Variants in RBFOX1 observed in about 807,000 individuals in gnomAD.
RBFOX1 encodes RNA binding fox-1 homolog 1.
RBFOX1 carries 8 observed loss-of-function variants against 57.7 expected under a neutral mutation model. The ratio of observed to expected loss-of-function variants is 0.14; its 90% CI spans 0.08 to 0.25. The LOEUF is 0.25. Ranked by LOEUF, RBFOX1 falls within the 10% of genes least tolerant of loss-of-function variation. The probability of loss-of-function intolerance (pLI) is 1.00; values close to 1 mark genes in which losing one functional copy is unlikely to be tolerated. For missense variants in RBFOX1, 611 were observed against 548.5 expected, an observed-to-expected ratio of 1.11 and a Z score of -1.14; for synonymous variants, 326 against 222.4, an observed-to-expected ratio of 1.47 and a Z score of -4.15.
At chr16:5,852,031 C>G (rs1417142522) in intron 3 of RBFOX1, among the ~76,000 whole-genome samples, 1 of 152,132 alleles carries the variant, frequency 6.6e-6, no homozygotes, top group Non-Finnish European at 1.5e-5. Context: ...ATGAGAGGAT[C>G]TACATCATGG....
intron 3 of RBFOX1, among the ~76,000 whole-genome samples, chr16:6,749,814 T>C (rs1389533134): frequency 7.2e-5 from 11 of 152,198 alleles, no homozygotes; most frequent in Non-Finnish European, 1.5e-4. Flanking sequence ...CGATGTAAAA[T>C]GTTTTTATTT....
intron 2 of RBFOX1, among the ~76,000 whole-genome samples, chr16:6,590,787 G>A (rs188896194): frequency 6.6e-6 from 1 of 152,102 alleles, no homozygotes; most frequent in Non-Finnish European, 1.5e-5. Flanking sequence ...TGATAATTAG[G>A]GAGAATATTT....
At chr16:6,565,761 C>G (rs558642037) in intron 2 of RBFOX1, among the ~76,000 whole-genome samples, 1 of 152,216 alleles carries the variant, frequency 6.6e-6, no homozygotes, top group Non-Finnish European at 1.5e-5. Flanking sequence ...AGTCACTGCA[C>G]CCAGCTCACT....
At chr16:7,238,835 C>T (rs944149971) in intron 4 of RBFOX1, among the ~76,000 whole-genome samples, 1 of 152,138 alleles carries the variant, frequency 6.6e-6, no homozygotes, top group Non-Finnish European at 1.5e-5. Context: ...TTGTTCCCCT[C>T]TATGTGTCCA....
chr16:5,731,965 A>C (rs939574972), intron 3 of RBFOX1, among the ~76,000 whole-genome samples: 1 of 152,166 alleles, frequency 6.6e-6, no homozygotes, highest in Non-Finnish European at 1.5e-5. Context: ...CCAAAAGCTT[A>C]ATGAATCTAG....
intron 3 of RBFOX1, among the ~76,000 whole-genome samples, chr16:6,802,508 C>T (rs775246649): frequency 6.6e-6 from 1 of 152,064 alleles, no homozygotes; most frequent in African/African-American, 2.4e-5. Flanking sequence ...AAAACCCTGT[C>T]TCTACTTAAA....
chr16:5,748,305 A>T (rs1240103970), intron 3 of RBFOX1, among the ~76,000 whole-genome samples: 7 of 152,140 alleles, frequency 4.6e-5, no homozygotes, highest in African/African-American at 1.4e-4. Flanking sequence ...CTATGTGGTC[A>T]ATTTTGGAAT....
At chr16:6,041,528 T>C (rs1397199210) in intron 1 of RBFOX1, among the ~76,000 whole-genome samples, 3 of 152,146 alleles carry the variant, frequency 2.0e-5, no homozygotes, top group Non-Finnish European at 4.4e-5. Context: ...CTCATATTTA[T>C]CATCCACATT....
intron 4 of RBFOX1, among the ~76,000 whole-genome samples, chr16:7,144,465 C>CTGGAGTGCA (rs1236724302): frequency 9.9e-6 from 1 of 101,336 alleles, no homozygotes; most frequent in Non-Finnish European, 1.8e-5. Flanking sequence ...GTTGTTCTGG[C>CTGGAGTGCA]TGGAGTGCAG....
At chr16:5,752,929 G>A (rs1322454510) in intron 3 of RBFOX1, among the ~76,000 whole-genome samples, 4 of 152,094 alleles carry the variant, frequency 2.6e-5, no homozygotes, top group East Asian at 1.9e-4. Context: ...CAAGAGGATC[G>A]CTTGAGCCTA....
intron 3 of RBFOX1, among the ~76,000 whole-genome samples, chr16:6,992,244 G>A (rs1265601060): frequency 3.3e-5 from 5 of 151,534 alleles, no homozygotes; most frequent in African/African-American, 1.2e-4. Context: ...GCTTACTGCA[G>A]CCTCTGCCTC....
intron 14 of RBFOX1, among the ~76,000 whole-genome samples, chr16:7,688,423 TAAAG>T (rs751525792): frequency 6.6e-5 from 10 of 152,124 alleles, no homozygotes; most frequent in South Asian, 4.1e-4. Flanking sequence ...CCATAAGACT[TAAAG>T]ACAGTATTAT....
chr16:6,779,409 T>C (rs2079953941), intron 3 of RBFOX1, among the ~76,000 whole-genome samples: 1 of 151,892 alleles, frequency 6.6e-6, no homozygotes, highest in African/African-American at 2.4e-5. Context: ...TTTCATTCGG[T>C]TCATACATTG....
chr16:6,410,168 C>CTGGGTGTG (rs2093411742), intron 2 of RBFOX1, among the ~76,000 whole-genome samples: 1 of 146,942 alleles, frequency 6.8e-6, no homozygotes, highest in Non-Finnish European at 1.5e-5. Context: ...CATCATAAGG[C>CTGGGTGTG]TGTGTGTGTG....
At chr16:7,262,411 G>A (rs746022279) in intron 4 of RBFOX1, among the ~76,000 whole-genome samples, 2 of 152,066 alleles carry the variant, frequency 1.3e-5, no homozygotes, top group African/African-American at 4.8e-5. Flanking sequence ...GGAAAATACG[G>A]CACTGAAAAA....
chr16:7,395,316 A>G (rs766195149), intron 4 of RBFOX1, among the ~76,000 whole-genome samples: 1 of 152,248 alleles, frequency 6.6e-6, no homozygotes, highest in Non-Finnish European at 1.5e-5. Flanking sequence ...TGCAGAAGTC[A>G]TCACTTTACT....
intron 1 of RBFOX1, among the ~76,000 whole-genome samples, chr16:5,454,082 G>C (rs897718633): frequency 1.3e-5 from 2 of 152,240 alleles, no homozygotes; most frequent in Non-Finnish European, 2.9e-5. Flanking sequence ...AGGCCAAATC[G>C]TGCCAGCCTG....
intron 3 of RBFOX1, among the ~76,000 whole-genome samples, chr16:6,996,078 T>C (rs377653371): frequency 8.5e-5 from 13 of 152,334 alleles, no homozygotes; most frequent in African/African-American, 3.1e-4. Flanking sequence ...TTGAAGACCA[T>C]CAGTGATCCA....
intron 2 of RBFOX1, among the ~76,000 whole-genome samples, chr16:6,506,100 C>T (rs1391093119): frequency 6.6e-6 from 1 of 152,084 alleles, no homozygotes; most frequent in East Asian, 1.9e-4. Context: ...CCAGACATGC[C>T]CTACTAAGAA....
Sources: allele counts gnomAD v4.1 joint callset (sites outside exome capture counted in the v4.1 genomes callset), GRCh38; gene constraint gnomAD v4.1.1; transcripts MANE v1.5; gene names NCBI Gene and HGNC (gene_info 2026-07-23, HGNC 2026-07-21).